The following NAP1L1 variants were observed in gnomAD, a reference collection of about 807,000 sequenced individuals.
NAP1L1 encodes the protein nucleosome assembly protein 1 like 1.
NAP1L1 carries 9 observed loss-of-function variants against 58.9 expected under a neutral mutation model. The observed-to-expected ratio is 0.15, with a 90% CI of 0.09 to 0.27. The LOEUF (loss-of-function observed/expected upper bound fraction) is 0.27. NAP1L1 is among the 10% of genes least tolerant of loss of function. NAP1L1 has a pLI of 1.00. For synonymous variants in NAP1L1, 130 were observed against 138.3 expected (o/e 0.94, Z 0.42); for missense variants, 302 against 458.8 (o/e 0.66, Z 3.12).
chr12:76,073,272 C>T (rs1435793193), intron 2 of NAP1L1, among the ~76,000 whole-genome samples: 2 of 151,952 alleles, frequency 1.3e-5, no homozygotes, highest in Non-Finnish European at 2.9e-5. Flanking sequence ...TCGCTGATGC[C>T]TACAACAGCT....
chr12:76,081,748 G>A lies in NAP1L1; in HGVS notation c.-21+2819C>T, dbSNP rs1448729748. On this transcript the variant is annotated intron_variant, in intron 1 of 14. Coordinates refer to ENST00000618691, the MANE Select transcript of NAP1L1 (RefSeq NM_004537.7). ...TACTCTAATGTTCTGTAGTCATTGT[G>A]CTAAACGACTTACATATGGATAGGT... is the stretch of plus-strand genomic sequence containing the variant. Among the ~76,000 whole-genome samples the A allele has an allele frequency of 2.0e-5, 3 of 152,276 alleles. No homozygotes were observed. The East Asian group carries it at 5.8e-4, about 29-fold the overall frequency.
chr12:76,076,590 A>ATATCTATC (rs1555186512), intron 1 of NAP1L1, among the ~76,000 whole-genome samples: 1 of 137,932 alleles, frequency 7.2e-6, no homozygotes, highest in African/African-American at 2.8e-5. Context: ...ATATATATAT[A>ATATCTATC]TATCTCCACT....
In NAP1L1 at chr12:76,081,232, G is replaced by C. The variant is rs77575734; in HGVS notation, c.-21+3335C>G. On this transcript the variant is annotated intron_variant, in intron 1 of 14. Coordinates refer to ENST00000618691, the MANE Select transcript of NAP1L1 (RefSeq NM_004537.7). Reference sequence around the variant, plus strand: ...TCATAAGTTATCACTGCTCACGTACGTAACCACGGACGGGTTATCTAACCA... The same window carrying C: ...TCATAAGTTATCACTGCTCACGTACCTAACCACGGACGGGTTATCTAACCA... Among the ~76,000 whole-genome samples the C allele has an allele frequency of 1.3e-4, 20 of 152,258 alleles. No homozygotes were observed. In the East Asian group the frequency reaches 3.7e-3, roughly 28 times the overall value.
intron 1 of NAP1L1, among the ~76,000 whole-genome samples, chr12:76,078,146 T>G (rs1447101612): frequency 1.3e-5 from 2 of 152,112 alleles, no homozygotes. Context: ...ACTTTTGCAC[T>G]GAGGTCAACT....
At chr12:76,083,473 CAAAAAAAAA>C (rs34033928) in intron 1 of NAP1L1, among the ~76,000 whole-genome samples, 1 of 87,214 alleles carries the variant, frequency 1.1e-5, no homozygotes, top group African/African-American at 4.5e-5. Flanking sequence ...CTTTTTTTTC[CAAAAAAAAA>C]AAAAAAAAAA....
At chr12:76,060,008 T>G in intron 5 of NAP1L1, 130 bp from the exon 6 acceptor site, 1 of 1,182,748 alleles carries the variant, frequency 8.5e-7, no homozygotes, top group Non-Finnish European at 1.2e-6. Flanking sequence ...TTATTGATAG[T>G]TCCTCCAAGT....
chr12:76,048,811 G>C (rs148148623), intron 14 of NAP1L1, among the ~76,000 whole-genome samples: 5 of 151,982 alleles, frequency 3.3e-5, no homozygotes, highest in Admixed American at 1.3e-4. Flanking sequence ...GGACTCTCAG[G>C]GACTGAGTAA....
intron 6 of NAP1L1, chr12:76,057,904 A>G: frequency 7.9e-7 from 1 of 1,272,480 alleles, no homozygotes. Context: ...AAATTCCCAG[A>G]GCAAAGAAAT....
At chr12:76,060,041 A>G (rs1473099456) in intron 5 of NAP1L1, 97 bp downstream of exon 5, 12 of 1,350,226 alleles carry the variant, frequency 8.9e-6, no homozygotes, top group East Asian at 2.4e-5. Flanking sequence ...AACAATTTCA[A>G]TGAGAGTTCT....
At chr12:76,066,974 C>T (rs1201511559) in intron 4 of NAP1L1, among the ~76,000 whole-genome samples, 3 of 152,022 alleles carry the variant, frequency 2.0e-5, no homozygotes, top group South Asian at 2.1e-4. Flanking sequence ...AACATATAGA[C>T]AGTAACTGAA....
In NAP1L1 at chr12:76,043,452, G is replaced by A. The variant is rs1481618627; in HGVS notation, c.*4977C>T. 1 of 134,056 alleles carries A rather than the reference G, an allele frequency of 7.5e-6. No homozygotes were observed. The highest frequency in any genetic ancestry group is 1.5e-5 in the Non-Finnish European group (1 of 64,742). The allele number at this position is 134,056 out of a possible 1,614,324, so 8.3% of individuals were successfully genotyped here. On this transcript the variant is annotated 3_prime_UTR_variant, in exon 15 of 15. Coordinates refer to ENST00000618691, the MANE Select transcript of NAP1L1 (RefSeq NM_004537.7). The stretch of plus-strand genomic sequence containing the variant: ...ATTGCAGCAGTACACTCCAACCTGG[G>A]CAAATGAAGTAAGACCCTGTCTCAG...
chr12:76,062,375 C>T (rs1309328787), intron 4 of NAP1L1, among the ~76,000 whole-genome samples: 1 of 152,098 alleles, frequency 6.6e-6, no homozygotes, highest in Non-Finnish European at 1.5e-5. Context: ...TCATTTCTCC[C>T]CAAATATTCA....
chr12:76,059,649 G>A (rs1297547792), intron 6 of NAP1L1, 149 bp downstream of exon 6: 1 of 602,098 alleles, frequency 1.7e-6, no homozygotes, highest in African/African-American at 2.0e-5. Flanking sequence ...TAAAGTAATA[G>A]AAAAACGTGT....
intron 1 of NAP1L1, among the ~76,000 whole-genome samples, chr12:76,075,993 G>C (rs893989669): frequency 6.6e-6 from 1 of 152,034 alleles, no homozygotes; most frequent in African/African-American, 2.4e-5. Flanking sequence ...ATGAGACACT[G>C]TCTCTTAAAA....
At chr12:76,058,025 T>G in intron 6 of NAP1L1, 1 of 797,132 alleles carries the variant, frequency 1.3e-6, no homozygotes, top group Non-Finnish European at 2.3e-6. Context: ...AGGATGAAAT[T>G]ATCATTCAAG....
At chr12:76,070,146 T>C (rs572449426) in intron 2 of NAP1L1, among the ~76,000 whole-genome samples, 102 of 151,800 alleles carry the variant, frequency 6.7e-4, no homozygotes, top group Middle Eastern at 6.8e-3. Context: ...GGAGACAGTG[T>C]CTTGCTCTGT....
chr12:76,072,300 T>TAA (rs566199999), intron 2 of NAP1L1, among the ~76,000 whole-genome samples: 30 of 120,946 alleles, frequency 2.5e-4, no homozygotes, highest in African/African-American at 6.4e-4. Flanking sequence ...GGATGCTATT[T>TAA]AAAAAAAAAA....
At chr12:76,053,983 A>G in intron 8 of NAP1L1, 74 bp from the exon 9 acceptor site, 1 of 1,413,744 alleles carries the variant, frequency 7.1e-7, no homozygotes, top group Non-Finnish European at 9.6e-7. Flanking sequence ...ACACAGCTTC[A>G]TCTGTTTTTA....
chr12:76,049,752 T>A lies in NAP1L1; in HGVS notation c.1089+4A>T. 1.2e-6 allele frequency: 2 copies of A among 1,612,780 alleles called. No homozygotes were observed. Among genetic ancestry groups the A allele is most frequent in the Non-Finnish European group, 1.7e-6 (2 of 1,179,484 alleles). On this transcript the variant is annotated splice_donor_region_variant and intron_variant, in intron 13 of 14. Transcript: ENST00000618691. ...GAATTATTTGCTCATTTGGTAAACA[T>A]TACCTCATCCGCTTCTTCACCTTCT...
Sources: gnomAD v4.1 joint callset for allele counts (sites outside exome capture counted in the v4.1 genomes callset) on GRCh38, gnomAD v4.1.1 for gene constraint, MANE v1.5 for transcripts, NCBI Gene and HGNC (gene_info 2026-07-23, HGNC 2026-07-21) for gene names.